The following KAT2B variants were observed in gnomAD, a reference collection of about 807,000 sequenced individuals.
The protein encoded by KAT2B is lysine acetyltransferase 2B.
Under a neutral mutation model 105.9 loss-of-function variants are expected in KAT2B, and 36 were observed. That is an observed-to-expected ratio of 0.34 (90% CI 0.26 to 0.45). KAT2B has a LOEUF of 0.45. Ranked by LOEUF, KAT2B falls within the 20% of genes least tolerant of loss-of-function variation. The probability of loss-of-function intolerance (pLI) is 1.00; values close to 1 mark genes in which losing one functional copy is unlikely to be tolerated. For synonymous variants in KAT2B, 397 were observed against 377.9 expected (o/e 1.05, Z -0.59); for missense variants, 820 against 1,021.6 (o/e 0.80, Z 2.69).
At position 20,152,491 on chromosome 3, in the gene KAT2B, G is replaced by A. The variant is rs149611433; in HGVS notation, c.2465G>A (p.Ser822Asn). 1.7e-4 allele frequency: 278 copies of A among 1,613,172 alleles called. No homozygotes were observed. Among genetic ancestry groups the A allele is most frequent in the Non-Finnish European group, 1.9e-4 (223 of 1,179,440 alleles). Residue 822 changes from serine to asparagine, a missense_variant, in exon 18 of 18, where the codon AGT becomes AAT. Physicochemically the swap from Ser to Asn is conservative, Grantham distance 46. Transcript: ENST00000263754. ...AATATCCTGGAGAAATTCTTCTTCA[G>A]TAAAATTAAGGAAGCTGGATTAATT... is the stretch of plus-strand genomic sequence containing the variant. ...CANILEKFFFSKIKEAGLIDK is the reference protein window; with the variant it reads ...CANILEKFFFNKIKEAGLIDK
chr3:20,063,425 G>A (rs899236347), intron 1 of KAT2B, among the ~76,000 whole-genome samples: 3 of 149,340 alleles, frequency 2.0e-5, no homozygotes, highest in Non-Finnish European at 4.5e-5. Flanking sequence ...TCTTTTAAGA[G>A]ATTCTTTCTT....
chr3:20,137,742 G>C (rs377042076), intron 12 of KAT2B: 1 of 152,486 alleles, frequency 6.6e-6, no homozygotes, highest in Non-Finnish European at 1.5e-5. Context: ...GGCTGGTCTC[G>C]AGCTCCTGGA....
At chr3:20,062,050 T>TATAATATATATTATATATAAAAC (rs1698122499) in intron 1 of KAT2B, among the ~76,000 whole-genome samples, 1 of 75,754 alleles carries the variant, frequency 1.3e-5, no homozygotes, top group Non-Finnish European at 2.7e-5. Context: ...ATATAAAACA[T>TATAATATATATTATATATAAAAC]ATAATATATA....
At chr3:20,084,811 A>C (rs1242779337) in intron 2 of KAT2B, among the ~76,000 whole-genome samples, 6 of 152,148 alleles carry the variant, frequency 3.9e-5, no homozygotes, top group African/African-American at 1.4e-4. Context: ...AGAAGCTTTC[A>C]CCTCTATTTC....
At position 20,152,545 on chromosome 3, in the gene KAT2B, C is replaced by G. The variant is rs765007593; in HGVS notation, c.*20C>G. On this transcript the variant is annotated 3_prime_UTR_variant, in exon 18 of 18. Coordinates refer to ENST00000263754, the MANE Select transcript of KAT2B (RefSeq NM_003884.5). ...AAGTGATTTTTTTTCCCCTCTGCTT[C>G]TTAGAAACTCACCAAGCAGTGTGCC... 1 of 1,595,162 alleles carries G rather than the reference C, an allele frequency of 6.3e-7. No homozygotes were observed. Among genetic ancestry groups the G allele is most frequent in the Non-Finnish European group, 8.6e-7 (1 of 1,165,386 alleles).
chr3:20,124,114 C>T (rs539710772), intron 9 of KAT2B, among the ~76,000 whole-genome samples: 1 of 152,022 alleles, frequency 6.6e-6, no homozygotes, highest in Non-Finnish European at 1.5e-5. Flanking sequence ...CCATTTCCTC[C>T]TAGATGTCCA....
At chr3:20,126,159 GA>G in intron 10 of KAT2B, 46 bp downstream of exon 10, 1 of 1,479,438 alleles carries the variant, frequency 6.8e-7, no homozygotes, top group Non-Finnish European at 9.2e-7. Flanking sequence ...CTTTTTAAAT[GA>G]AAGAGGAACT....
At chr3:20,090,062 C>A (rs929256597) in intron 2 of KAT2B, among the ~76,000 whole-genome samples, 21 of 151,388 alleles carry the variant, frequency 1.4e-4, no homozygotes, top group African/African-American at 4.8e-4. Context: ...TTGTATCCTG[C>A]AACTTTACTG....
chr3:20,115,809 C>G (rs1351459535), intron 7 of KAT2B, among the ~76,000 whole-genome samples: 3 of 152,122 alleles, frequency 2.0e-5, no homozygotes, highest in Non-Finnish European at 2.9e-5. Flanking sequence ...AACCAGTGAT[C>G]TGTGTTTTTG....
intron 7 of KAT2B, among the ~76,000 whole-genome samples, chr3:20,117,513 AT>A (rs1419952497): frequency 1.2e-4 from 18 of 152,250 alleles, no homozygotes; most frequent in African/African-American, 4.3e-4. Flanking sequence ...ATGCTTTGAA[AT>A]TCAGAAGGCC....
At chr3:20,096,193 A>C (rs1698807497) in intron 3 of KAT2B, among the ~76,000 whole-genome samples, 1 of 152,104 alleles carries the variant, frequency 6.6e-6, no homozygotes, top group Non-Finnish European at 1.5e-5. Flanking sequence ...ACATATTCCA[A>C]ATTTATTTTG....
chr3:20,061,726 T>A (rs187574594), intron 1 of KAT2B, among the ~76,000 whole-genome samples: 4 of 142,088 alleles, frequency 2.8e-5, no homozygotes, highest in Non-Finnish European at 6.0e-5. Context: ...TACGTATATA[T>A]GAAAAAATAA....
chr3:20,086,870 C>T (rs1249042607), intron 2 of KAT2B, among the ~76,000 whole-genome samples: 2 of 104,656 alleles, frequency 1.9e-5, no homozygotes, highest in Non-Finnish European at 3.6e-5. Flanking sequence ...CAACCTCCAC[C>T]TCCTGGATTC....
chr3:20,058,479 T>C (rs112066401), intron 1 of KAT2B, among the ~76,000 whole-genome samples: 7,585 of 148,888 alleles, frequency 0.051, 722 homozygotes, highest in African/African-American at 0.18. Context: ...AAAAAAAGGT[T>C]TTCAGAGATG....
chr3:20,072,358 G>A lies in KAT2B; in HGVS notation c.329G>A (p.Gly110Asp). 1.2e-6 allele frequency: 2 copies of A among 1,613,454 alleles called. No homozygotes were observed. The highest frequency in any genetic ancestry group is 1.7e-6 in the Non-Finnish European group (2 of 1,179,464). The part of the protein sequence containing the change: ...CKAEESCKCN[G>D]WKNPNPSPTP... ...GCCGAGGAGTCTTGTAAATGTAATG[G>A]CTGGAAAAACCCTAACCCCTCACCC... is the stretch of plus-strand genomic sequence containing the variant. Residue 110 changes from glycine (G) to aspartate (D), a missense_variant, in exon 2 of 18, where the codon GGC (glycine) becomes GAC (aspartate). Gly to Asp is a moderately conservative substitution (Grantham distance 94, BLOSUM62 -1). Around this residue, in one of 6 missense-constraint regions of KAT2B, gnomAD observed 190 missense variants for 176.7 expected, o/e 1.08. Transcript: ENST00000263754.
chr3:20,103,639 C>A (rs1698948099), intron 5 of KAT2B, among the ~76,000 whole-genome samples: 1 of 152,158 alleles, frequency 6.6e-6, no homozygotes, highest in African/African-American at 2.4e-5. Context: ...AAACTCCTGA[C>A]CTCAAGCAAT....
chr3:20,040,628 G>C lies in KAT2B; in HGVS notation c.151G>C (p.Ala51Pro). Reference protein sequence around the residue: ...PCAAAAGGSGACGPATAVAAA... With the variant: ...PCAAAAGGSGPCGPATAVAAA... ...CGCCGCTGCCGCCGGGGGCTCGGGC[G>C]CCTGCGGTCCGGCGACGGCAGTGGC... Residue 51 changes from alanine (A) to proline (P), a missense_variant, in exon 1 of 18, where the codon GCC (alanine) becomes CCC (proline). Physicochemically the swap from Ala to Pro is conservative, Grantham distance 27. Around this residue, in one of 6 missense-constraint regions of KAT2B, gnomAD observed 190 missense variants for 176.7 expected, o/e 1.08. Coordinates refer to ENST00000263754, the MANE Select transcript of KAT2B (RefSeq NM_003884.5). The C allele has an allele frequency of 7.4e-7, 1 of 1,358,474 alleles. No homozygotes were observed. The highest frequency in any genetic ancestry group is 1.7e-5 in the South Asian group (1 of 58,250). 84.2% of individuals were successfully genotyped at this position (1,358,474 alleles called of 1,614,324 possible).
intron 1 of KAT2B, among the ~76,000 whole-genome samples, chr3:20,063,045 T>C (rs1470393032): frequency 1.3e-5 from 2 of 152,080 alleles, no homozygotes; most frequent in African/African-American, 4.8e-5. Context: ...TTCCAGTTTA[T>C]CTGTTTTTCT....
chr3:20,146,322 A>G lies in KAT2B; in HGVS notation c.2011A>G (p.Lys671Glu), dbSNP rs886226502. 2 of 1,590,562 alleles carry G rather than the reference A, an allele frequency of 1.3e-6. No homozygotes were observed. The highest frequency in any genetic ancestry group is 2.7e-5 in the African/African-American group (2 of 74,478). ...TCCTTCCTGTGCTTTACAGATAATT[A>G]AAAAACTGATTGAAAGAAAACAGGC... ...VIIKKQKEII[K>E]KLIERKQAQI... Residue 671 changes from lysine to glutamate, a missense_variant, in exon 14 of 18, where the codon AAA becomes GAA. Lys to Glu is a moderately conservative substitution (Grantham distance 56). This residue lies in a region of KAT2B where 227 missense variants were observed against 292.9 expected (regional missense o/e 0.77). Transcript: ENST00000263754.
Sources: allele counts gnomAD v4.1 joint callset (sites outside exome capture counted in the v4.1 genomes callset), GRCh38; gene constraint gnomAD v4.1.1; regional missense constraint gnomAD v4.1.1; transcripts MANE v1.5; gene names NCBI Gene and HGNC (gene_info 2026-07-23, HGNC 2026-07-21).